Variants in MIPEP observed in about 807,000 individuals in gnomAD.
MIPEP encodes mitochondrial intermediate peptidase.
Under a neutral mutation model 90.3 loss-of-function variants are expected in MIPEP, and 79 were observed. The ratio of observed to expected loss-of-function variants is 0.87; its 90% CI spans 0.73 to 1.05. MIPEP has a LOEUF of 1.05. Among genes scored for constraint, MIPEP ranks in the 50% least tolerant of loss-of-function variants. MIPEP has a pLI of 0.00. For synonymous variants in MIPEP, 334 were observed against 315.8 expected, an observed-to-expected ratio of 1.06 and a Z score of -0.61; for missense variants, 940 against 905.6, an observed-to-expected ratio of 1.04 and a Z score of -0.49.
intron 2 of MIPEP, among the ~76,000 whole-genome samples, chr13:23,882,052 C>T (rs1871291512): frequency 1.3e-5 from 2 of 150,832 alleles, no homozygotes; most frequent in African/African-American, 4.8e-5. Flanking sequence ...AATATAAACA[C>T]CAAGCAAATT....
Position 23,808,224 on chromosome 13 carries a change from G to A in MIPEP, c.1728+1626C>T, listed in dbSNP as rs541670724. Among the ~76,000 whole-genome samples, 640 of 151,710 alleles carry A rather than the reference G, an allele frequency of 4.2e-3. 3 individuals carry two copies. Among genetic ancestry groups the A allele is most frequent in the African/African-American group, 0.014 (585 of 41,300 alleles). On this transcript the variant is annotated intron_variant, in intron 15 of 18. Coordinates refer to ENST00000382172, the MANE Select transcript of MIPEP (RefSeq NM_005932.4). ...CGCCATTCTCCTGCCTCAGCCTCCCGAGTAGCTGGGACTATAGGCGCCTGC... is the reference window on the plus strand; with the variant it reads ...CGCCATTCTCCTGCCTCAGCCTCCCAAGTAGCTGGGACTATAGGCGCCTGC...
chr13:23,833,350 C>G lies in MIPEP; in HGVS notation c.1653+2890G>C, dbSNP rs530564156. Among the ~76,000 whole-genome samples, 10 of 152,356 alleles carry G rather than the reference C, an allele frequency of 6.6e-5. No homozygotes were observed. In the South Asian group the frequency reaches 1.0e-3, roughly 16 times the overall value. ...TACATGTCTCTTGCCTTTGGGCACG[C>G]TTTCCATTCTCCATGAGAATCACAA... On this transcript the variant is annotated intron_variant, in intron 14 of 18. Transcript: ENST00000382172.
At chr13:23,768,553 CA>C (rs547879018) in intron 16 of MIPEP, among the ~76,000 whole-genome samples, 4 of 151,784 alleles carry the variant, frequency 2.6e-5, no homozygotes, top group African/African-American at 9.7e-5. Context: ...CCATCTCTAC[CA>C]AAAAAACAAA....
At chr13:23,825,721 T>C (rs565666407) in intron 14 of MIPEP, among the ~76,000 whole-genome samples, 4 of 152,332 alleles carry the variant, frequency 2.6e-5, no homozygotes, top group African/African-American at 9.6e-5. Context: ...CCCCTCATTA[T>C]TATTGTGTGA....
At chr13:23,763,088 G>A (rs998006095) in intron 16 of MIPEP, among the ~76,000 whole-genome samples, 3 of 152,190 alleles carry the variant, frequency 2.0e-5, no homozygotes, top group African/African-American at 4.8e-5. Flanking sequence ...AACAAACTTT[G>A]AATAACTACA....
chr13:23,828,914 CTTA>C lies in MIPEP; in HGVS notation c.1653+7323_1653+7325del, dbSNP rs200872785. 9.7e-3 allele frequency among the ~76,000 whole-genome samples: 1,471 copies of C among 152,272 alleles called. 72 individuals are homozygous for C. Among genetic ancestry groups the C allele is most frequent in the Admixed American group, 0.083 (1,276 of 15,296 alleles). On this transcript the variant is annotated intron_variant, in intron 14 of 18. Transcript: ENST00000382172. ...TTCCAGATATCAAGGCTTATTATTA[CTTA>C]TTAATAATAGTAAGCTTATTACTAT...
chr13:23,761,925 G>A (rs1184320029), intron 16 of MIPEP, among the ~76,000 whole-genome samples: 2 of 152,140 alleles, frequency 1.3e-5, no homozygotes, highest in Non-Finnish European at 2.9e-5. Flanking sequence ...AGGAATTCGA[G>A]ACCAGCCTGG....
Position 23,888,952 on chromosome 13 carries a change from C to T in MIPEP, c.189+180G>A, listed in dbSNP as rs142189768. ...GGGTAGGAGACCACTAAACCCGGCC[C>T]CTCAAAGCAGAGGTGACCTTGCCCT... On this transcript the variant is annotated intron_variant, in intron 1 of 18. Transcript: ENST00000382172. The T allele has an allele frequency of 7.3e-5, 43 of 588,986 alleles. 1 individual carries two copies. The African/African-American group carries it at 8.3e-4, about 11-fold the overall frequency. 36.5% of individuals were successfully genotyped at this position (588,986 alleles called of 1,614,324 possible).
Position 23,806,009 on chromosome 13 carries a change from T to C in MIPEP, c.1789A>G (p.Thr597Ala). 1.2e-6 allele frequency: 2 copies of C among 1,613,872 alleles called. No individual in the cohort carries two copies. The highest frequency in any genetic ancestry group is 8.5e-7 in the Non-Finnish European group (1 of 1,179,764). Residue 597 changes from threonine to alanine, a missense_variant, in exon 16 of 19, where the codon ACA becomes GCA. By Grantham distance (58) the Thr-to-Ala change is moderately conservative. Transcript: ENST00000382172. ...HGKHPLRNST[T>A]DILKETQEKF... ...TCTTGTGTTTCCTTGAGAATGTCTGTGGTTGAATTCCTCAGGGGATGCTTC... is the reference window on the plus strand; with the variant it reads ...TCTTGTGTTTCCTTGAGAATGTCTGCGGTTGAATTCCTCAGGGGATGCTTC...
intron 10 of MIPEP, among the ~76,000 whole-genome samples, chr13:23,848,315 CCTT>C (rs2137476251): frequency 6.6e-6 from 1 of 152,274 alleles, no homozygotes; most frequent in East Asian, 1.9e-4. Context: ...ATTCCAGTTC[CCTT>C]CTTCTACTCC....
At chr13:23,840,868 T>G (rs1400041396) in intron 11 of MIPEP, among the ~76,000 whole-genome samples, 1 of 152,180 alleles carries the variant, frequency 6.6e-6, no homozygotes, top group Non-Finnish European at 1.5e-5. Context: ...TTGCTAGGTT[T>G]GAAGTTATTA....
intron 15 of MIPEP, among the ~76,000 whole-genome samples, chr13:23,808,506 C>T (rs771874293): frequency 6.6e-6 from 1 of 152,162 alleles, no homozygotes; most frequent in Admixed American, 6.5e-5. Context: ...ACCCAGGCAG[C>T]TCCTCTACCA....
intron 17 of MIPEP, among the ~76,000 whole-genome samples, chr13:23,758,555 A>T (rs1952509315): frequency 6.6e-6 from 1 of 152,258 alleles, no homozygotes; most frequent in South Asian, 2.1e-4. Context: ...AGAAATCTAC[A>T]GTAAAAAGTT....
chr13:23,751,827 T>C (rs553285526), intron 18 of MIPEP, among the ~76,000 whole-genome samples: 1 of 151,994 alleles, frequency 6.6e-6, no homozygotes, highest in African/African-American at 2.4e-5. Context: ...GCCACAAAAG[T>C]CTAAAGGAGC....
chr13:23,841,566 T>A, intron 10 of MIPEP, 78 bp from the exon 11 acceptor site: 1 of 1,417,768 alleles, frequency 7.1e-7, no homozygotes, highest in Non-Finnish European at 9.5e-7. Context: ...ACTTTTCATT[T>A]AATACTTAAG....
intron 4 of MIPEP, among the ~76,000 whole-genome samples, chr13:23,878,300 G>A (rs1871149064): frequency 1.3e-5 from 2 of 152,320 alleles, no homozygotes; most frequent in South Asian, 4.1e-4. Flanking sequence ...GACTGATAAA[G>A]TGAAACACCA....
chr13:23,835,831 T>C (rs1240372127), intron 14 of MIPEP, among the ~76,000 whole-genome samples: 1 of 152,190 alleles, frequency 6.6e-6, no homozygotes, highest in African/African-American at 2.4e-5. Context: ...CTGGATTCAG[T>C]TTAATGAGAC....
chr13:23,867,162 C>T (rs974085480), intron 7 of MIPEP, among the ~76,000 whole-genome samples: 2 of 152,096 alleles, frequency 1.3e-5, no homozygotes, highest in African/African-American at 2.4e-5. Flanking sequence ...TCTGCCCCAA[C>T]CCCCACAGTG....
chr13:23,741,514 T>C (rs187655201), intron 18 of MIPEP, among the ~76,000 whole-genome samples: 13 of 152,316 alleles, frequency 8.5e-5, no homozygotes, highest in Admixed American at 7.8e-4. Context: ...ATCACATCTT[T>C]TGCAGAAACC....
Sources: gnomAD v4.1 joint callset for allele counts (sites outside exome capture counted in the v4.1 genomes callset) on GRCh38, gnomAD v4.1.1 for gene constraint, MANE v1.5 for transcripts, NCBI Gene and HGNC (gene_info 2026-07-23, HGNC 2026-07-21) for gene names.